Variants in MCF2L observed in about 807,000 individuals in gnomAD.
MCF2L encodes guanine nucleotide exchange factor DBS.
A neutral mutation model predicts 153.4 loss-of-function variants in MCF2L; 97 were observed. The observed-to-expected ratio is 0.63, with a 90% CI of 0.54 to 0.75. MCF2L has a LOEUF of 0.75. Ranked by LOEUF, MCF2L falls within the 30% of genes least tolerant of loss-of-function variation. MCF2L has a pLI of 0.00. For missense variants in MCF2L, 1,347 were observed against 1,495.2 expected (o/e 0.90, Z 1.64); for synonymous variants, 659 against 632.2 (o/e 1.04, Z -0.64).
intron 5 of MCF2L, among the ~76,000 whole-genome samples, chr13:113,063,655 A>G (rs1343590160): frequency 6.6e-6 from 1 of 152,152 alleles, no homozygotes; most frequent in Non-Finnish European, 1.5e-5. Context: ...ATCATGTTTT[A>G]TTAAATACCG....
rs1282532546 is a variant in MCF2L at position 113,050,163 on chromosome 13, TGTGA to T, written c.369+4806_369+4809del. Among the ~76,000 whole-genome samples the T allele has an allele frequency of 1.1e-4, 17 of 151,856 alleles. 1 individual carries two copies. In the South Asian group the frequency reaches 1.9e-3, roughly 17 times the overall value. On this transcript the variant is annotated intron_variant, in intron 4 of 29. Coordinates refer to ENST00000535094, the MANE Select transcript of MCF2L (RefSeq NM_001112732.3). ...TGTACTGCATGTGTGAGTGTGTGAG[TGTGA>T]GTGTGTGACTGTGTGTGTGTGCGAG...
At chr13:113,082,949 T>G (rs1451829426) in intron 17 of MCF2L, among the ~76,000 whole-genome samples, 6 of 152,162 alleles carry the variant, frequency 3.9e-5, no homozygotes, top group African/African-American at 1.2e-4. Flanking sequence ...CCATACCACA[T>G]AGCAAGGCCT....
rs2082978989 is a variant in MCF2L at position 112,993,547 on chromosome 13, A to G, written c.80-21216A>G. Among the ~76,000 whole-genome samples, 1 of 151,796 alleles carries G rather than the reference A, an allele frequency of 6.6e-6. No homozygotes were observed. Among genetic ancestry groups the G allele is most frequent in the South Asian group, 2.1e-4 (1 of 4,770 alleles). ...GAGGCTCCAGGATCGCAGCCACAGA[A>G]GTGGCAGTGGGAGGGGAGGGGGAGG... On this transcript the variant is annotated intron_variant, in intron 1 of 29. Transcript: ENST00000535094. This position sits in a 1 kb window ranked among gnomAD's most constrained non-coding sequence, Gnocchi z 4.6.
chr13:113,064,404 G>T lies in MCF2L; in HGVS notation c.590G>T (p.Trp197Leu). The T allele has an allele frequency of 6.2e-7, 1 of 1,612,296 alleles. No individual in the cohort carries two copies. Reference sequence around the variant, plus strand: ...ACCCTGGACTACTGCCACTCCCGGTGGCTGTGCCAGCGCACGGTGAGCCGC... The same window carrying T: ...ACCCTGGACTACTGCCACTCCCGGTTGCTGTGCCAGCGCACGGTGAGCCGC... ...GGTLDYCHSRWLCQRTAIESF... is the reference protein window; with the variant it reads ...GGTLDYCHSRLLCQRTAIESF... Residue 197 changes from tryptophan to leucine, a missense_variant, in exon 6 of 30, where the codon TGG becomes TTG. Transcript: ENST00000535094. The surrounding 1 kb of genome is among the most constrained non-coding windows in gnomAD (Gnocchi z 6.0).
chr13:113,008,464 C>T (rs747817594), intron 1 of MCF2L, among the ~76,000 whole-genome samples: 6 of 152,056 alleles, frequency 3.9e-5, no homozygotes, highest in Non-Finnish European at 7.4e-5. Context: ...AATTCAGTGC[C>T]GTAACTCATG....
chr13:112,916,821 A>C (rs933095776), intron 2 of MCF2L, among the ~76,000 whole-genome samples: 2 of 151,848 alleles, frequency 1.3e-5, no homozygotes, highest in Non-Finnish European at 2.9e-5. Context: ...CCTCACTTCT[A>C]ATGGGTGGAC....
intron 27 of MCF2L, 70 bp from the exon 28 acceptor site, chr13:113,096,301 C>T: frequency 8.0e-7 from 1 of 1,254,608 alleles, no homozygotes; most frequent in Non-Finnish European, 1.1e-6. Flanking sequence ...CGGCACTCCG[C>T]CTGGCTGCTG....
intron 9 of MCF2L, among the ~76,000 whole-genome samples, chr13:113,073,935 T>G (rs2141907728): frequency 6.6e-6 from 1 of 151,876 alleles, no homozygotes. Context: ...AAATTAAAAA[T>G]TAAAATAAAA....
chr13:112,959,671 T>C (rs1420800725), intron 2 of MCF2L, among the ~76,000 whole-genome samples: 4 of 152,132 alleles, frequency 2.6e-5, no homozygotes, highest in African/African-American at 9.7e-5. Context: ...AATATCTCAT[T>C]CCTCTAGCAT....
chr13:113,056,783 T>A (rs1256324794), intron 4 of MCF2L, among the ~76,000 whole-genome samples: 21 of 81,184 alleles, frequency 2.6e-4, no homozygotes, highest in African/African-American at 1.4e-3. Flanking sequence ...CTGAGTGTTT[T>A]GGCACTGAGT....
intron 1 of MCF2L, among the ~76,000 whole-genome samples, chr13:112,987,528 T>C (rs906436823): frequency 6.6e-6 from 1 of 152,226 alleles, no homozygotes; most frequent in African/African-American, 2.4e-5. Context: ...TCAGAGATTT[T>C]AGCTGCTCTG....
At chr13:113,076,279 T>G (rs2033468906) in intron 12 of MCF2L, 122 bp downstream of exon 12, 1 of 775,952 alleles carries the variant, frequency 1.3e-6, no homozygotes, top group African/African-American at 1.8e-5. Context: ...TTATTTTTTT[T>G]TTGAGATGGA....
intron 1 of MCF2L, among the ~76,000 whole-genome samples, chr13:112,970,876 C>G (rs528054603): frequency 6.6e-5 from 10 of 152,278 alleles, no homozygotes; most frequent in African/African-American, 2.4e-4. Flanking sequence ...TGTGGGCCAT[C>G]GTCTCATCTG....
At chr13:113,032,114 G>C (rs1480694735) in intron 3 of MCF2L, among the ~76,000 whole-genome samples, 1 of 152,140 alleles carries the variant, frequency 6.6e-6, no homozygotes, top group Non-Finnish European at 1.5e-5. Context: ...GTCAAGAGGA[G>C]AGTCCTCCTA....
chr13:112,927,458 G>T (rs2081419364), intron 2 of MCF2L, among the ~76,000 whole-genome samples: 1 of 152,152 alleles, frequency 6.6e-6, no homozygotes, highest in Non-Finnish European at 1.5e-5. Flanking sequence ...AGATCTGGAG[G>T]TCTTTGGATA....
At chr13:112,926,456 T>TGGTCTATATACACAGCGGAGTGCTGC (rs2081406503) in intron 2 of MCF2L, among the ~76,000 whole-genome samples, 1 of 144,496 alleles carries the variant, frequency 6.9e-6, no homozygotes, top group African/African-American at 2.5e-5. Context: ...CGGAGTACTG[T>TGGTCTATATACACAGCGGAGTGCTGC]ACGGCCTGGT....
Position 113,084,846 on chromosome 13 carries a change from C to G in MCF2L, c.2062-46C>G, listed in dbSNP as rs764094103. ...TGCCCGTCCCTCACCGCGTGATGCG[C>G]TGCCCATCCCTCACTGCGTGATGCG... On this transcript the variant is annotated intron_variant, in intron 18 of 29. Coordinates refer to ENST00000535094, the MANE Select transcript of MCF2L (RefSeq NM_001112732.3). The G allele has an allele frequency of 2.8e-6, 4 of 1,442,032 alleles. No homozygotes were observed. The South Asian group carries it at 3.4e-5, about 12-fold the overall frequency. The allele number at this position is 1,442,032 out of a possible 1,614,324, so 89.3% of individuals were successfully genotyped here. A position where few individuals can be genotyped will look rare whatever the true frequency, so the allele number is the denominator to read the frequency against.
At chr13:112,920,780 T>C (rs72661909) in intron 2 of MCF2L, among the ~76,000 whole-genome samples, 6,202 of 151,204 alleles carry the variant, frequency 0.041, 210 homozygotes, top group Non-Finnish European at 0.063. Context: ...ATTCAGAAGG[T>C]GGAGAGGAGG....
intron 2 of MCF2L, among the ~76,000 whole-genome samples, chr13:112,934,605 C>A (rs1358019540): frequency 1.9e-5 from 1 of 51,614 alleles, no homozygotes; most frequent in African/African-American, 7.1e-5. Context: ...ACTTTGAGAA[C>A]CACTGGTTGG....
Sources: gnomAD v4.1 joint callset for allele counts (sites outside exome capture counted in the v4.1 genomes callset) on GRCh38, gnomAD v4.1.1 for gene constraint, Gnocchi (gnomAD v3.1) non-coding constraint, MANE v1.5 for transcripts, NCBI Gene and HGNC (gene_info 2026-07-23, HGNC 2026-07-21) for gene names.